The following RBFA variants were observed in gnomAD, a reference collection of about 807,000 sequenced individuals.
RBFA encodes putative ribosome-binding factor A, mitochondrial.
RBFA carries 16 observed loss-of-function variants against 27.9 expected under a neutral mutation model. The ratio of observed to expected loss-of-function variants is 0.57; its 90% CI spans 0.39 to 0.87. RBFA has a LOEUF of 0.87. RBFA is among the 40% of genes least tolerant of loss of function. RBFA has a pLI of 0.00. For missense variants in RBFA, 456 were observed against 432.1 expected (o/e 1.06, Z -0.49); for synonymous variants, 181 against 181.0 (o/e 1.00, Z 0.00).
rs1336830949 is a variant in RBFA, at chr18:80,048,880, C to T, written c.*2725C>T. On this transcript the variant is annotated 3_prime_UTR_variant, in exon 7 of 7. Coordinates refer to ENST00000306735, the MANE Select transcript of RBFA (RefSeq NM_024805.3). ...CATGTTTGCAGGGGATCCAACCAGGCGTCGGCTCAGTGCCTCCTAGAAAGT... is the reference window on the plus strand; with the variant it reads ...CATGTTTGCAGGGGATCCAACCAGGTGTCGGCTCAGTGCCTCCTAGAAAGT... Among the ~76,000 whole-genome samples the T allele has an allele frequency of 1.3e-5, 2 of 148,632 alleles. No homozygotes were observed. The highest frequency in any genetic ancestry group is 1.3e-4 in the Admixed American group (2 of 15,066).
chr18:80,048,839 G>A lies in RBFA; in HGVS notation c.*2684G>A, dbSNP rs2052074872. Among the ~76,000 whole-genome samples the A allele has an allele frequency of 6.7e-6, 1 of 150,040 alleles. No individual in the cohort carries two copies. Among genetic ancestry groups the A allele is most frequent in the African/African-American group, 2.5e-5 (1 of 39,748 alleles). ...CCAGGCGTCAGCTCAGTGCCTCCTA[G>A]AAAGTGGAGTGTGGGCATGTTTGCA... On this transcript the variant is annotated 3_prime_UTR_variant, in exon 7 of 7. Transcript: ENST00000306735.
At position 80,034,507 on chromosome 18, in the gene RBFA, G is replaced by A. The variant is rs773781399; in HGVS notation, c.12G>A (p.Ala4=). ...CCCGGCGCCGCGCCATGTGGGCTGC[G>A]GCGGGCGGGCTGTGGCGCTCCCGCG... MWA[A]AGGLWRSRAG... Residue 4 remains alanine (A), a synonymous_variant, in exon 1 of 7, where the codon GCG becomes GCA. Transcript: ENST00000306735. 1 of 1,566,916 alleles carries A rather than the reference G, an allele frequency of 6.4e-7. No homozygotes were observed. Among genetic ancestry groups the A allele is most frequent in the African/African-American group, 1.4e-5 (1 of 70,712 alleles).
chr18:80,036,306 A>G (rs1367608887), intron 1 of RBFA, among the ~76,000 whole-genome samples: 1 of 152,196 alleles, frequency 6.6e-6, no homozygotes, highest in African/African-American at 2.4e-5. Flanking sequence ...GTTCAGTCTC[A>G]GTCTATGCCT....
rs371684295 is a variant in RBFA at position 80,040,208 on chromosome 18, G to C, written c.491+1591G>C. Among the ~76,000 whole-genome samples the C allele has an allele frequency of 9.3e-5, 12 of 128,484 alleles. No homozygotes were observed. The East Asian group carries it at 2.3e-3, about 24-fold the overall frequency. 84.3% of individuals were successfully genotyped at this position (128,484 alleles called of 152,430 possible). ...ACTTTTCTCATGGCTGTTAAATTCT[G>C]TCTTTTCCAACACATAACTGGGAGG... On this transcript the variant is annotated intron_variant, in intron 4 of 6. Transcript: ENST00000306735.
chr18:80,042,215 C>G lies in RBFA; in HGVS notation c.572C>G (p.Ala191Gly), dbSNP rs773720533. The G allele has an allele frequency of 8.1e-6, 13 of 1,596,086 alleles. No individual in the cohort carries two copies. The East Asian group carries it at 2.9e-4, about 36-fold the overall frequency. ...CAAGACAAGGGAAATGCAGCTCTAG[C>G]TGAGGTAAGGTTTTCAAAAAAACTT... ...FVQDKGNAAL[A>G]ELDQLLAVAD... Residue 191 changes from alanine (A) to glycine (G), a missense_variant, in exon 5 of 7, where the codon GCT (alanine) becomes GGT (glycine). By Grantham distance (60) the Ala-to-Gly change is moderately conservative. Coordinates refer to ENST00000306735, the MANE Select transcript of RBFA (RefSeq NM_024805.3).
In RBFA at chr18:80,037,434, G is replaced by A. The variant is rs909576211; in HGVS notation, c.306G>A (p.Lys102=). 2.5e-6 allele frequency: 4 copies of A among 1,614,172 alleles called. No homozygotes were observed. The highest frequency in any genetic ancestry group is 1.1e-5 in the South Asian group (1 of 91,080). The change falls in exon 3 of 7, where the codon AAG becomes AAA. Residue 102 remains lysine, a synonymous_variant. Transcript: ENST00000306735. ...GGGCCCTGAACGGCCTCCTCTATAA[G>A]GCACTGACAGACCTGCTGTGTACCC... ...RLRALNGLLY[K]ALTDLLCTPE...
At chr18:80,040,150 A>G (rs2052006826) in intron 4 of RBFA, among the ~76,000 whole-genome samples, 1 of 150,500 alleles carries the variant, frequency 6.6e-6, no homozygotes, top group Admixed American at 6.7e-5. Flanking sequence ...AATAAAGTAC[A>G]TTTGTTGAAT....
intron 4 of RBFA, among the ~76,000 whole-genome samples, chr18:80,040,954 G>C (rs2052012361): frequency 3.3e-5 from 5 of 152,184 alleles, no homozygotes; most frequent in Admixed American, 2.6e-4. Context: ...AAAAAATGCA[G>C]AAATCCAAAT....
At chr18:80,043,417 G>T (rs2052029553) in intron 5 of RBFA, among the ~76,000 whole-genome samples, 1 of 152,218 alleles carries the variant, frequency 6.6e-6, no homozygotes, top group Admixed American at 6.5e-5. Flanking sequence ...AAGGAGTGAA[G>T]TTATAGTCCC....
chr18:80,038,540 G>T lies in RBFA; in HGVS notation c.414G>T (p.Ala138=), dbSNP rs148175401. 5 of 1,613,914 alleles carry T rather than the reference G, an allele frequency of 3.1e-6. No individual in the cohort carries two copies. In the East Asian group the frequency reaches 1.1e-4, roughly 36 times the overall value. ...SLTPDFSACR[A]YWKTTLSAEQ... is the part of the protein sequence containing the mutation. Reference sequence around the variant, plus strand: ...CTCCAGACTTCTCAGCCTGCCGAGCGTACTGGAAGACAACGCTCTCTGCTG... The same window carrying T: ...CTCCAGACTTCTCAGCCTGCCGAGCTTACTGGAAGACAACGCTCTCTGCTG... The change falls in exon 4 of 7, where the codon GCG becomes GCT. Residue 138 remains alanine (A), a synonymous_variant. Transcript: ENST00000306735.
rs756924868 is a variant in RBFA at position 80,046,021 on chromosome 18, G to A, written c.898G>A (p.Glu300Lys). Residue 300 changes from glutamate to lysine, a missense_variant, in exon 7 of 7, where the codon GAG (glutamate) becomes AAG (lysine). Physicochemically the swap from Glu to Lys is moderately conservative, Grantham distance 56 (BLOSUM62 1). Coordinates refer to ENST00000306735, the MANE Select transcript of RBFA (RefSeq NM_024805.3). ...SSLKSYLSGE[E>K]VEDDLDLVGA... ...CCTCAAGAGTTACCTGTCAGGCGAG[G>A]AGGTTGAAGATGACCTGGACCTGGT... 5.0e-6 allele frequency: 8 copies of A among 1,614,148 alleles called. No individual in the cohort carries two copies. The highest frequency in any genetic ancestry group is 6.8e-6 in the Non-Finnish European group (8 of 1,180,040).
At chr18:80,041,767 C>T (rs1352172101) in intron 4 of RBFA, 1 of 149,902 alleles carries the variant, frequency 6.7e-6, no homozygotes, top group Admixed American at 6.7e-5. Context: ...TGTTCTTTCA[C>T]CCAGGCCGGA....
At position 80,046,064 on chromosome 18, in the gene RBFA, A is replaced by C. The variant is rs1440611103; in HGVS notation, c.941A>C (p.Glu314Ala). The change falls in exon 7 of 7, where the codon GAA becomes GCA. Residue 314 changes from glutamate to alanine, a missense_variant. Coordinates refer to ENST00000306735, the MANE Select transcript of RBFA (RefSeq NM_024805.3). The part of the protein sequence containing the change: ...DLDLVGAPEY[E>A]CYAPDTEELE... Reference sequence around the variant, plus strand: ...GACCTGGTTGGTGCCCCGGAGTACGAATGCTATGCCCCGGACACAGAGGAG... The same window carrying C: ...GACCTGGTTGGTGCCCCGGAGTACGCATGCTATGCCCCGGACACAGAGGAG... The C allele has an allele frequency of 6.2e-7, 1 of 1,614,146 alleles. No individual in the cohort carries two copies. The highest frequency in any genetic ancestry group is 8.5e-7 in the Non-Finnish European group (1 of 1,180,036).
intron 3 of RBFA, among the ~76,000 whole-genome samples, chr18:80,037,836 C>G (rs532433222): frequency 6.6e-6 from 1 of 151,932 alleles, no homozygotes; most frequent in Non-Finnish European, 1.5e-5. Context: ...TTGCAGTGAG[C>G]TGAGGCCGCG....
At chr18:80,043,394 A>G (rs1276145403) in intron 5 of RBFA, among the ~76,000 whole-genome samples, 133 of 152,228 alleles carry the variant, frequency 8.7e-4, no homozygotes, top group Non-Finnish European at 5.9e-5. Flanking sequence ...TTCCCTTGCT[A>G]GAAAAAGAAA....
chr18:80,045,567 C>T (rs1455858665), intron 6 of RBFA, among the ~76,000 whole-genome samples: 2 of 152,106 alleles, frequency 1.3e-5, no homozygotes, highest in Admixed American at 1.3e-4. Context: ...CTGGACTGTG[C>T]TGGCCGAATG....
At chr18:80,042,333 T>G in intron 5 of RBFA, 114 bp downstream of exon 5, 13 of 513,962 alleles carry the variant, frequency 2.5e-5, no homozygotes, top group East Asian at 7.4e-5. Flanking sequence ...CAAGGGATCC[T>G]TCTGTCTCAG....
intron 3 of RBFA, among the ~76,000 whole-genome samples, chr18:80,037,931 C>A (rs962561757): frequency 1.3e-5 from 2 of 151,764 alleles, no homozygotes; most frequent in African/African-American, 4.8e-5. Context: ...AGTCTTAGTT[C>A]TGGGTTGCAG....
chr18:80,036,643 CAT>C (rs2051980939), intron 1 of RBFA, 23 bp from the exon 2 acceptor site: 1 of 1,599,382 alleles, frequency 6.3e-7, no homozygotes, highest in East Asian at 2.2e-5. Flanking sequence ...CCATCACTAA[CAT>C]AATGCTTATT....
Sources: allele counts gnomAD v4.1 joint callset (sites outside exome capture counted in the v4.1 genomes callset), GRCh38; gene constraint gnomAD v4.1.1; transcripts MANE v1.5; gene names NCBI Gene and HGNC (gene_info 2026-07-23, HGNC 2026-07-21).